The following RIMS1 variants were observed in gnomAD, a reference collection of about 807,000 sequenced individuals.
RIMS1 encodes the protein regulating synaptic membrane exocytosis 1, also known as regulating synaptic membrane exocytosis protein 1.
In RIMS1, 83 loss-of-function variants were observed where a neutral mutation model predicts 214.1. The observed-to-expected ratio is 0.39, with a 90% confidence interval of 0.32 to 0.47. RIMS1 has a LOEUF of 0.47. Among genes scored for constraint, RIMS1 ranks in the 20% least tolerant of loss-of-function variants. The pLI, the probability that RIMS1 is intolerant of heterozygous loss-of-function variation, is 0.99. For missense variants in RIMS1, 2,050 were observed against 2,161.8 expected, an observed-to-expected ratio of 0.95 and a Z score of 1.03; for synonymous variants, 793 against 786.8, an observed-to-expected ratio of 1.01 and a Z score of -0.13.
intron 2 of RIMS1, among the ~76,000 whole-genome samples, chr6:72,085,442 A>C (rs1036597680): frequency 6.6e-6 from 1 of 152,196 alleles, no homozygotes; most frequent in African/African-American, 2.4e-5. Context: ...ACAGTGATGG[A>C]TATCAGGTTA....
chr6:72,356,140 T>A (rs1466034703), intron 29 of RIMS1, among the ~76,000 whole-genome samples: 1 of 152,192 alleles, frequency 6.6e-6, no homozygotes, highest in Non-Finnish European at 1.5e-5. Context: ...ATGTCCACTT[T>A]ATGCTGACAA....
chr6:72,101,335 G>A (rs567765677), intron 4 of RIMS1, among the ~76,000 whole-genome samples: 2 of 151,928 alleles, frequency 1.3e-5, no homozygotes, highest in East Asian at 3.9e-4. Context: ...TCTTCACTTT[G>A]GTTAGAATGT....
At chr6:72,351,707 A>G (rs1415058562) in intron 29 of RIMS1, among the ~76,000 whole-genome samples, 2 of 152,234 alleles carry the variant, frequency 1.3e-5, no homozygotes, top group Admixed American at 6.5e-5. Context: ...CAGTATGTTT[A>G]AAATGCTATT....
chr6:72,291,007 A>G, intron 25 of RIMS1, 146 bp downstream of exon 25: 1 of 680,200 alleles, frequency 1.5e-6, no homozygotes, highest in Admixed American at 2.8e-5. Flanking sequence ...TCTCTCTCAC[A>G]TCCTCTATTA....
intron 19 of RIMS1, 102 bp downstream of exon 19, chr6:72,260,869 A>G (rs2077672498): frequency 6.5e-7 from 1 of 1,543,402 alleles, no homozygotes; most frequent in Non-Finnish European, 8.8e-7. Context: ...AAGCAAGTCA[A>G]ATAAATTTCC....
At chr6:72,046,530 T>C (rs982968203) in intron 2 of RIMS1, among the ~76,000 whole-genome samples, 1 of 152,100 alleles carries the variant, frequency 6.6e-6, no homozygotes, top group Non-Finnish European at 1.5e-5. Flanking sequence ...CGGGGAAAGG[T>C]ATATTTGCAA....
At chr6:72,308,488 A>G (rs566699230) in intron 27 of RIMS1, among the ~76,000 whole-genome samples, 1 of 152,288 alleles carries the variant, frequency 6.6e-6, no homozygotes, top group South Asian at 2.1e-4. Context: ...AATTAATATT[A>G]TTAGCTTGAA....
intron 1 of RIMS1, among the ~76,000 whole-genome samples, chr6:71,905,916 T>A (rs762132438): frequency 2.2e-4 from 33 of 152,140 alleles, no homozygotes; most frequent in Non-Finnish European, 4.1e-4. Context: ...ATCTACTCTA[T>A]CACCCTCCTT....
chr6:71,903,042 C>T (rs533661649), intron 1 of RIMS1, among the ~76,000 whole-genome samples: 6 of 152,096 alleles, frequency 3.9e-5, no homozygotes, highest in Non-Finnish European at 7.4e-5. Flanking sequence ...GGCATATACC[C>T]AGTGATGGGA....
At chr6:71,895,272 T>A (rs1378574756) in intron 1 of RIMS1, among the ~76,000 whole-genome samples, 2 of 152,246 alleles carry the variant, frequency 1.3e-5, no homozygotes, top group African/African-American at 4.8e-5. Flanking sequence ...TTGAAGACTA[T>A]TTTTAATCTC....
chr6:72,336,486 G>A (rs1376591797), intron 29 of RIMS1, among the ~76,000 whole-genome samples: 1 of 151,740 alleles, frequency 6.6e-6, no homozygotes, highest in Non-Finnish European at 1.5e-5. Context: ...TTCAGAGACT[G>A]GATTCCAGTG....
At chr6:71,901,854 G>A (rs148877995) in intron 1 of RIMS1, among the ~76,000 whole-genome samples, 369 of 152,094 alleles carry the variant, frequency 2.4e-3, no homozygotes, top group African/African-American at 8.6e-3. Context: ...TATTGTATTC[G>A]GTAACAAGGA....
At chr6:71,960,381 A>G (rs1378815739) in intron 1 of RIMS1, among the ~76,000 whole-genome samples, 1 of 152,202 alleles carries the variant, frequency 6.6e-6, no homozygotes, top group African/African-American at 2.4e-5. Flanking sequence ...ACTAAAAGCT[A>G]TAAACAATTT....
Position 72,284,056 on chromosome 6 carries a change from A to G in RIMS1, c.3492A>G (p.Arg1164=), listed in dbSNP as rs778152918. ...ACATTTCATTCCACAGGCACTCCAG[A>G]AAGTCTGAAAGATCTAGCATCCAAA... ...HASPENDRHS[R]KSERSSIQKQ... Residue 1164 remains arginine, a synonymous_variant, in exon 24 of 34, where the codon AGA becomes AGG. Coordinates refer to ENST00000521978, the MANE Select transcript of RIMS1 (RefSeq NM_014989.7). The G allele has an allele frequency of 9.9e-6, 16 of 1,612,804 alleles. No homozygotes were observed. The highest frequency in any genetic ancestry group is 1.4e-5 in the Non-Finnish European group (16 of 1,179,046).
At chr6:72,133,033 A>T (rs887761354) in intron 4 of RIMS1, among the ~76,000 whole-genome samples, 3 of 152,198 alleles carry the variant, frequency 2.0e-5, no homozygotes, top group South Asian at 4.1e-4. Flanking sequence ...CAATTGCTCC[A>T]GGCCATGCTT....
At chr6:72,276,501 A>G (rs965261351) in intron 23 of RIMS1, among the ~76,000 whole-genome samples, 1 of 152,102 alleles carries the variant, frequency 6.6e-6, no homozygotes, top group Non-Finnish European at 1.5e-5. Flanking sequence ...ATATGTAACT[A>G]TAAGAGTAGA....
At chr6:72,156,964 G>C (rs1218466538) in intron 4 of RIMS1, among the ~76,000 whole-genome samples, 2 of 140,230 alleles carry the variant, frequency 1.4e-5, no homozygotes, top group African/African-American at 4.9e-5. Flanking sequence ...ATTTCTTTTA[G>C]AGCAGATAAT....
chr6:71,945,105 G>T (rs1561938977), intron 1 of RIMS1, among the ~76,000 whole-genome samples: 1 of 152,108 alleles, frequency 6.6e-6, no homozygotes, highest in African/African-American at 2.4e-5. Flanking sequence ...GTGGTAATTT[G>T]GACAGAGTTT....
chr6:71,906,276 T>G (rs1323703192), intron 1 of RIMS1, among the ~76,000 whole-genome samples: 3 of 152,148 alleles, frequency 2.0e-5, no homozygotes, highest in Non-Finnish European at 2.9e-5. Context: ...CTTATAACCT[T>G]TAGTGTTGAG....
Sources: allele counts gnomAD v4.1 joint callset (sites outside exome capture counted in the v4.1 genomes callset), GRCh38; gene constraint gnomAD v4.1.1; transcripts MANE v1.5; gene names NCBI Gene and HGNC (gene_info 2026-07-23, HGNC 2026-07-21).